Variants in CNTN3 observed in about 807,000 individuals in gnomAD.
The protein encoded by CNTN3 is contactin 3.
A neutral mutation model predicts 119.1 loss-of-function variants in CNTN3; 60 were observed. The ratio of observed to expected loss-of-function variants is 0.50; its 90% confidence interval spans 0.41 to 0.62. The LOEUF (loss-of-function observed/expected upper bound fraction) is 0.62, where lower values mean the gene tolerates loss of function less well. Ranked by LOEUF, CNTN3 falls within the 20% of genes least tolerant of loss-of-function variation. The probability of loss-of-function intolerance (pLI) is 0.00; values close to 1 mark genes in which losing one functional copy is unlikely to be tolerated. For missense variants in CNTN3, 1,101 were observed against 1,242.4 expected (o/e 0.89, Z 1.71); for synonymous variants, 450 against 438.7 (o/e 1.03, Z -0.32).
At chr3:74,533,575 A>G (rs1703722810) in intron 1 of CNTN3, among the ~76,000 whole-genome samples, 1 of 151,996 alleles carries the variant, frequency 6.6e-6, no homozygotes, top group Admixed American at 6.6e-5. Context: ...AGATGAAATA[A>G]CTGAGGTAGA....
At chr3:74,450,234 C>A (rs576897853) in intron 4 of CNTN3, among the ~76,000 whole-genome samples, 7 of 151,730 alleles carry the variant, frequency 4.6e-5, no homozygotes, top group Non-Finnish European at 1.5e-5. Context: ...TATATAAAGT[C>A]GAAACAAAAC....
intron 5 of CNTN3, among the ~76,000 whole-genome samples, chr3:74,385,333 TA>T (rs1433786826): frequency 6.6e-6 from 1 of 152,218 alleles, no homozygotes; most frequent in East Asian, 1.9e-4. Flanking sequence ...TTTGTCCTCT[TA>T]TATATGAATA....
chr3:74,322,965 A>T (rs1012245605), intron 13 of CNTN3, among the ~76,000 whole-genome samples: 1 of 152,178 alleles, frequency 6.6e-6, no homozygotes, highest in Non-Finnish European at 1.5e-5. Context: ...CAATAAAAAG[A>T]TTAGTGGTTG....
At chr3:74,596,213 C>T (rs1704806645) in intron 1 of CNTN3, among the ~76,000 whole-genome samples, 2 of 152,042 alleles carry the variant, frequency 1.3e-5, no homozygotes, top group Middle Eastern at 3.2e-3. Context: ...AAGAACATTC[C>T]ATGCTCATGG....
rs537227356 is a variant in CNTN3 at position 74,346,588 on chromosome 3, AT to A, written c.1365-9931del. On this transcript the variant is annotated intron_variant, in intron 11 of 22. Transcript: ENST00000263665. ...GTGAGAAATTTACCTCAGTGTAACA[AT>A]TCTATAGACTTTGTATAACAGATCA... Among the ~76,000 whole-genome samples the A allele has an allele frequency of 1.1e-3, 162 of 152,298 alleles. 1 individual carries two copies. Among genetic ancestry groups the A allele is most frequent in the African/African-American group, 3.6e-3 (151 of 41,570 alleles).
At chr3:74,332,208 T>G (rs1034366995) in intron 13 of CNTN3, among the ~76,000 whole-genome samples, 1 of 152,258 alleles carries the variant, frequency 6.6e-6, no homozygotes, top group African/African-American at 2.4e-5. Context: ...TGTATTAATG[T>G]GCATGCTGCA....
chr3:74,463,065 A>C (rs916931402), intron 4 of CNTN3, among the ~76,000 whole-genome samples: 7 of 152,154 alleles, frequency 4.6e-5, no homozygotes, highest in African/African-American at 1.7e-4. Flanking sequence ...ACTGGCACTT[A>C]GAACTTGCTC....
intron 5 of CNTN3, among the ~76,000 whole-genome samples, chr3:74,389,615 C>T (rs970777162): frequency 6.6e-6 from 1 of 152,134 alleles, no homozygotes; most frequent in African/African-American, 2.4e-5. Flanking sequence ...TTAATCTTCA[C>T]ACCATCCCAT....
chr3:74,476,426 T>C (rs968900568), intron 4 of CNTN3, among the ~76,000 whole-genome samples: 1 of 152,054 alleles, frequency 6.6e-6, no homozygotes, highest in Admixed American at 6.5e-5. Context: ...GCAGCAGCAA[T>C]AACAGCTGCT....
chr3:74,346,780 TCCA>T (rs1407057134), intron 11 of CNTN3, among the ~76,000 whole-genome samples: 23 of 151,868 alleles, frequency 1.5e-4, no homozygotes, highest in African/African-American at 5.6e-4. Context: ...CATCCATCCA[TCCA>T]TCCATCCATG....
intron 4 of CNTN3, among the ~76,000 whole-genome samples, chr3:74,454,937 A>C (rs1702237801): frequency 6.6e-6 from 1 of 152,170 alleles, no homozygotes; most frequent in South Asian, 2.1e-4. Context: ...GGCTGCCCTT[A>C]ACATTTTTTC....
intron 20 of CNTN3, among the ~76,000 whole-genome samples, chr3:74,271,192 A>G (rs1701768847): frequency 1.3e-5 from 2 of 152,192 alleles, no homozygotes; most frequent in African/African-American, 2.4e-5. Context: ...AGACATGTCT[A>G]TCCACAGGAA....
chr3:74,529,052 G>A (rs1703658584), intron 1 of CNTN3, among the ~76,000 whole-genome samples: 1 of 151,812 alleles, frequency 6.6e-6, no homozygotes, highest in East Asian at 1.9e-4. Context: ...TATATATACA[G>A]CACATATATT....
chr3:74,524,209 C>T (rs1703583331), intron 1 of CNTN3, among the ~76,000 whole-genome samples: 1 of 151,806 alleles, frequency 6.6e-6, no homozygotes, highest in Non-Finnish European at 1.5e-5. Context: ...AAATGTGTTC[C>T]AAGAAGCTCT....
chr3:74,301,707 T>C lies in CNTN3; in HGVS notation c.1885A>G (p.Ile629Val). The change falls in exon 15 of 23, where the codon ATA (isoleucine) becomes GTA (valine). Residue 629 changes from isoleucine to valine, a missense_variant. Transcript: ENST00000263665. ...KEGKDNHSPVISYSIQARTPF... is the reference protein window; with the variant it reads ...KEGKDNHSPVVSYSIQARTPF... Reference sequence around the variant, plus strand: ...GTCCGAGCCTGGATAGAATAGGATATAACTGGGCTATGGTTGTCTTTACCT... The same window carrying C: ...GTCCGAGCCTGGATAGAATAGGATACAACTGGGCTATGGTTGTCTTTACCT... 2 of 1,614,128 alleles carry C rather than the reference T, an allele frequency of 1.2e-6. No individual in the cohort carries two copies. The highest frequency in any genetic ancestry group is 1.7e-6 in the Non-Finnish European group (2 of 1,179,986).
At chr3:74,433,772 G>T (rs1011700760) in intron 4 of CNTN3, among the ~76,000 whole-genome samples, 2 of 152,140 alleles carry the variant, frequency 1.3e-5, no homozygotes, top group African/African-American at 4.8e-5. Flanking sequence ...CACTGACACA[G>T]AAGACTTTTA....
intron 5 of CNTN3, among the ~76,000 whole-genome samples, chr3:74,399,181 G>T (rs1256516228): frequency 6.6e-6 from 1 of 151,952 alleles, no homozygotes; most frequent in Non-Finnish European, 1.5e-5. Flanking sequence ...CCAAGTACAA[G>T]TTTGTGACAT....
At chr3:74,393,700 A>G (rs1352923507) in intron 5 of CNTN3, among the ~76,000 whole-genome samples, 2 of 152,224 alleles carry the variant, frequency 1.3e-5, no homozygotes, top group Non-Finnish European at 2.9e-5. Flanking sequence ...AAATGGGAAA[A>G]GTAGGACTGA....
At chr3:74,335,015 C>T in intron 12 of CNTN3, 105 bp from the exon 13 acceptor site, 2 of 712,690 alleles carry the variant, frequency 2.8e-6, no homozygotes, top group Non-Finnish European at 4.6e-6. Flanking sequence ...TCTGTAGATG[C>T]ATATACATAA....
Sources: gnomAD v4.1 joint callset for allele counts (sites outside exome capture counted in the v4.1 genomes callset) on GRCh38, gnomAD v4.1.1 for gene constraint, MANE v1.5 for transcripts, NCBI Gene and HGNC (gene_info 2026-07-23, HGNC 2026-07-21) for gene names.